ARHGAP18: variants seen among roughly 807,000 people sequenced by gnomAD.
ARHGAP18 encodes the protein Rho GTPase activating protein 18.
A neutral mutation model predicts 86.2 loss-of-function variants in ARHGAP18; 67 were observed. The observed-to-expected ratio is 0.78, with a 90% confidence interval of 0.64 to 0.95. ARHGAP18 has a LOEUF of 0.95. ARHGAP18 is among the 40% of genes least tolerant of loss of function. The pLI is 0.00. For synonymous variants in ARHGAP18, 283 were observed against 280.4 expected (o/e 1.01, Z -0.09); for missense variants, 691 against 780.4 (o/e 0.89, Z 1.37).
chr6:129,652,769 C>A (rs1009509381), intron 1 of ARHGAP18, among the ~76,000 whole-genome samples: 16 of 152,160 alleles, frequency 1.1e-4, no homozygotes, highest in African/African-American at 3.9e-4. Flanking sequence ...GCTCTGATAT[C>A]CCTTCAGTTC....
At chr6:129,594,485 C>A (rs1788577025) in intron 12 of ARHGAP18, among the ~76,000 whole-genome samples, 1 of 152,156 alleles carries the variant, frequency 6.6e-6, no homozygotes, top group Non-Finnish European at 1.5e-5. Flanking sequence ...TATTTTCTTA[C>A]TCCATATATC....
intron 1 of ARHGAP18, among the ~76,000 whole-genome samples, chr6:129,668,065 A>G (rs1375393678): frequency 6.6e-6 from 1 of 152,216 alleles, no homozygotes; most frequent in Non-Finnish European, 1.5e-5. Flanking sequence ...GTAAATCTGC[A>G]ACTTCAAGAT....
intron 12 of ARHGAP18, among the ~76,000 whole-genome samples, chr6:129,592,531 G>A (rs1409196535): frequency 6.6e-6 from 1 of 152,168 alleles, no homozygotes; most frequent in Non-Finnish European, 1.5e-5. Context: ...TAAATTAAGG[G>A]TGTGATACTA....
chr6:129,616,007 C>T (rs1359863917), intron 7 of ARHGAP18, among the ~76,000 whole-genome samples: 1 of 152,148 alleles, frequency 6.6e-6, no homozygotes, highest in Non-Finnish European at 1.5e-5. Context: ...GCCAGGTAAT[C>T]ACAGTTACAG....
At chr6:129,670,433 G>A (rs753114530) in intron 1 of ARHGAP18, among the ~76,000 whole-genome samples, 1 of 152,158 alleles carries the variant, frequency 6.6e-6, no homozygotes, top group African/African-American at 2.4e-5. Context: ...TCAGAACTGA[G>A]TGGCAACAAT....
chr6:129,683,157 C>T (rs1774355758), intron 1 of ARHGAP18, among the ~76,000 whole-genome samples: 1 of 151,758 alleles, frequency 6.6e-6, no homozygotes, highest in African/African-American at 2.4e-5. Context: ...CTGCAAGCTC[C>T]ACCTCCCAGG....
At chr6:129,594,122 A>G (rs1788570177) in intron 12 of ARHGAP18, among the ~76,000 whole-genome samples, 1 of 152,144 alleles carries the variant, frequency 6.6e-6, no homozygotes, top group Non-Finnish European at 1.5e-5. Context: ...AAGCCTCTTA[A>G]AAATATTACC....
At chr6:129,592,284 G>C (rs1481382586) in intron 12 of ARHGAP18, among the ~76,000 whole-genome samples, 2 of 152,152 alleles carry the variant, frequency 1.3e-5, no homozygotes, top group Admixed American at 1.3e-4. Context: ...TTTGCAGCAA[G>C]AACTGTTAAA....
intron 10 of ARHGAP18, 36 bp from the exon 11 acceptor site, chr6:129,600,884 A>G: frequency 6.4e-7 from 1 of 1,555,754 alleles, no homozygotes; most frequent in Non-Finnish European, 8.8e-7. Context: ...TTTGTGTCAT[A>G]TATGAAGATA....
At chr6:129,653,966 C>T (rs762381745) in intron 1 of ARHGAP18, among the ~76,000 whole-genome samples, 4 of 152,114 alleles carry the variant, frequency 2.6e-5, no homozygotes, top group Non-Finnish European at 4.4e-5. Flanking sequence ...TCCCTTGAGC[C>T]CAGAACTTCA....
chr6:129,624,543 A>C (rs1223422642), intron 5 of ARHGAP18, among the ~76,000 whole-genome samples: 1 of 151,966 alleles, frequency 6.6e-6, no homozygotes, highest in Admixed American at 6.6e-5. Flanking sequence ...AACACACACA[A>C]AAAACCATAC....
intron 5 of ARHGAP18, among the ~76,000 whole-genome samples, chr6:129,625,028 G>C (rs13210354): frequency 1.5e-5 from 1 of 67,524 alleles, no homozygotes; most frequent in Non-Finnish European, 2.7e-5. Context: ...TATGATATAT[G>C]ATATATATTT....
Position 129,658,434 on chromosome 6 carries a change from A to AC in ARHGAP18, c.114-16417dup, listed in dbSNP as rs564841992. Among the ~76,000 whole-genome samples the AC allele has an allele frequency of 1.4e-3, 207 of 149,948 alleles. 1 individual carries two copies. Among genetic ancestry groups the AC allele is most frequent in the African/African-American group, 4.8e-3 (196 of 40,786 alleles). ...GGCACCTCAAATGGAAAAAAAAAAA[A>AC]CATAAAAGTGATAGAATCCTTAAGC... On this transcript the variant is annotated intron_variant, in intron 1 of 14. Transcript: ENST00000368149.
At chr6:129,651,115 C>T (rs941985300) in intron 1 of ARHGAP18, among the ~76,000 whole-genome samples, 1 of 152,092 alleles carries the variant, frequency 6.6e-6, no homozygotes, top group Non-Finnish European at 1.5e-5. Flanking sequence ...GTACTACTGC[C>T]TCTAAAATAA....
intron 3 of ARHGAP18, among the ~76,000 whole-genome samples, chr6:129,635,348 A>G (rs1773311167): frequency 6.6e-6 from 1 of 152,100 alleles, no homozygotes; most frequent in African/African-American, 2.4e-5. Flanking sequence ...CTATTAATGC[A>G]CCACTTAGAG....
chr6:129,589,100 C>T (rs1414070689), intron 12 of ARHGAP18, among the ~76,000 whole-genome samples: 1 of 152,210 alleles, frequency 6.6e-6, no homozygotes, highest in Non-Finnish European at 1.5e-5. Context: ...AGGTCTCTGA[C>T]ATGCCTTGTA....
intron 1 of ARHGAP18, among the ~76,000 whole-genome samples, chr6:129,709,027 C>T (rs565261192): frequency 5.3e-5 from 8 of 152,258 alleles, no homozygotes; most frequent in Non-Finnish European, 1.2e-4. Flanking sequence ...TTCTCCCTCC[C>T]TCATATTTGG....
intron 1 of ARHGAP18, among the ~76,000 whole-genome samples, chr6:129,709,784 T>G (rs1336860466): frequency 6.6e-6 from 1 of 152,230 alleles, no homozygotes; most frequent in Non-Finnish European, 1.5e-5. Context: ...ACAGCCCATA[T>G]AGCCCTCTCC....
intron 1 of ARHGAP18, among the ~76,000 whole-genome samples, chr6:129,683,307 G>A (rs911748983): frequency 1.3e-5 from 2 of 151,670 alleles, no homozygotes; most frequent in African/African-American, 2.4e-5. Flanking sequence ...TCCTGACCTC[G>A]TGATCTGCCC....
Sources: gnomAD v4.1 joint callset for allele counts (sites outside exome capture counted in the v4.1 genomes callset) on GRCh38, gnomAD v4.1.1 for gene constraint, MANE v1.5 for transcripts, NCBI Gene and HGNC (gene_info 2026-07-23, HGNC 2026-07-21) for gene names.